The following ANO3 variants were observed in gnomAD, a reference collection of about 807,000 sequenced individuals.
The protein encoded by ANO3 is anoctamin-3.
In ANO3, 99 loss-of-function variants were observed where a neutral mutation model predicts 144.8. The observed-to-expected ratio is 0.68, with a 90% CI of 0.58 to 0.81. ANO3 has a LOEUF of 0.81. Ranked by LOEUF, ANO3 falls within the 30% of genes least tolerant of loss-of-function variation. The probability of loss-of-function intolerance (pLI) is 0.00; values close to 1 mark genes in which losing one functional copy is unlikely to be tolerated. For missense variants in ANO3, 905 were observed against 1,202.2 expected (o/e 0.75, Z 3.66); for synonymous variants, 414 against 392.6 (o/e 1.05, Z -0.64).
chr11:26,547,129 A>G (rs1849809389), intron 11 of ANO3, among the ~76,000 whole-genome samples: 1 of 151,894 alleles, frequency 6.6e-6, no homozygotes, highest in African/African-American at 2.4e-5. Flanking sequence ...AAGGGATGCT[A>G]GTAGGAAGAT....
chr11:26,569,400 TGTCCTGACATTGCAGTAGGGACAAG>T (rs1287191596), intron 14 of ANO3, among the ~76,000 whole-genome samples: 3 of 152,094 alleles, frequency 2.0e-5, no homozygotes, highest in Non-Finnish European at 4.4e-5. Context: ...GAAGACGGAT[TGTCCTGACATTGCAGTAGGGACAAG>T]TTTGCCTCTG....
chr11:26,304,895 C>T (rs1250643403), upstream of ANO3, among the ~76,000 whole-genome samples: 2 of 151,976 alleles, frequency 1.3e-5, no homozygotes, highest in African/African-American at 4.8e-5. Flanking sequence ...AATTGCTCTC[C>T]AACCAAGACT....
chr11:26,203,409 T>A (rs560046714), intron 1 of ANO3, among the ~76,000 whole-genome samples: 19 of 152,232 alleles, frequency 1.2e-4, no homozygotes, highest in Admixed American at 1.0e-3. Context: ...ATAAAATTCA[T>A]TGAATGCAAG....
chr11:26,617,139 C>T (rs1192956963), intron 17 of ANO3, among the ~76,000 whole-genome samples: 2 of 152,126 alleles, frequency 1.3e-5, no homozygotes, highest in Non-Finnish European at 2.9e-5. Context: ...CACTGTTGTA[C>T]CAGACTCCAG....
intron 1 of ANO3, among the ~76,000 whole-genome samples, chr11:26,262,719 A>AAC (rs144643690): frequency 0.045 from 6,741 of 149,136 alleles, 181 homozygotes; most frequent in African/African-American, 0.081. Context: ...CCTTATAGTA[A>AAC]ACACACACAC....
chr11:26,189,300 G>T lies in ANO3; in HGVS notation c.124G>T (p.Glu42Ter), dbSNP rs972438190. The T allele has an allele frequency of 1.0e-6, 1 of 985,192 alleles. No individual in the cohort carries two copies. The highest frequency in any genetic ancestry group is 6.2e-5 in the Admixed American group (1 of 16,234). The allele number at this position is 985,192 out of a possible 1,614,324, so 61.0% of individuals were successfully genotyped here. ...ACTCTCTGGTGATTCTAGTCAACTG[G>T]AACTTCAGCACTCCAGTTCTGTCCC... The change falls in exon 1 of 28, where the codon GAA (glutamate) becomes TAA (stop). Residue 42 changes from glutamate (E) to a stop codon, truncating the protein, a stop_gained. Transcript: ENST00000672621. LOFTEE classifies it high-confidence loss of function.
intron 17 of ANO3, among the ~76,000 whole-genome samples, chr11:26,614,958 G>T (rs189080990): frequency 1.3e-5 from 2 of 151,946 alleles, no homozygotes; most frequent in African/African-American, 4.8e-5. Flanking sequence ...CCAGGTAACC[G>T]TAGTCAACCT....
chr11:26,494,458 T>TGTGCAC (rs1860844906), intron 4 of ANO3, among the ~76,000 whole-genome samples: 1 of 152,118 alleles, frequency 6.6e-6, no homozygotes, highest in Admixed American at 6.6e-5. Flanking sequence ...TAACGTGAGA[T>TGTGCAC]AGGAAGTAGA....
At chr11:26,280,469 C>T (rs56131609) in intron 1 of ANO3, among the ~76,000 whole-genome samples, 13,377 of 152,086 alleles carry the variant, frequency 0.088, 783 homozygotes, top group Non-Finnish European at 0.13. Context: ...ACTTGGAGTC[C>T]GATATTCAAG....
intron 12 of ANO3, among the ~76,000 whole-genome samples, chr11:26,552,514 T>G (rs1290028179): frequency 6.6e-6 from 1 of 152,090 alleles, no homozygotes; most frequent in Non-Finnish European, 1.5e-5. Flanking sequence ...CAAAGCGTCC[T>G]GCAAATAAGT....
intron 17 of ANO3, among the ~76,000 whole-genome samples, chr11:26,605,282 G>A (rs1231713645): frequency 6.6e-6 from 1 of 152,068 alleles, no homozygotes; most frequent in Non-Finnish European, 1.5e-5. Context: ...TGATGGTGGT[G>A]GATAAGTTTT....
chr11:26,207,208 G>A (rs1038504492), intron 1 of ANO3, among the ~76,000 whole-genome samples: 4 of 152,024 alleles, frequency 2.6e-5, no homozygotes, highest in South Asian at 2.1e-4. Context: ...AAGTGTTCTT[G>A]TAACAAATAG....
intron 1 of ANO3, among the ~76,000 whole-genome samples, chr11:26,194,456 G>A (rs7111493): frequency 0.075 from 525 of 6,982 alleles, 11 homozygotes; most frequent in Middle Eastern, 0.19. Context: ...GTGTGTGTGT[G>A]TGTGTGTGTG....
chr11:26,248,904 G>A (rs1455878433), intron 1 of ANO3, among the ~76,000 whole-genome samples: 1 of 152,086 alleles, frequency 6.6e-6, no homozygotes. Flanking sequence ...ATAGGAATTC[G>A]AACCCTATTG....
chr11:26,228,352 G>A (rs1384272594), intron 1 of ANO3, among the ~76,000 whole-genome samples: 1 of 152,164 alleles, frequency 6.6e-6, no homozygotes, highest in Non-Finnish European at 1.5e-5. Flanking sequence ...CTGGCACATG[G>A]TGCCAGGGTC....
intron 20 of ANO3, among the ~76,000 whole-genome samples, chr11:26,637,774 T>C (rs1853009093): frequency 1.6e-5 from 1 of 61,832 alleles, no homozygotes; most frequent in Non-Finnish European, 5.3e-5. Flanking sequence ...GCAGGCTCTT[T>C]GTGTCTTATT....
chr11:26,415,444 A>C (rs1330096637), intron 1 of ANO3, among the ~76,000 whole-genome samples: 2 of 152,092 alleles, frequency 1.3e-5, no homozygotes, highest in African/African-American at 4.8e-5. Context: ...AGTAAAAAGC[A>C]AAAAAGTAAT....
Position 26,463,037 on chromosome 11 carries a change from A to G in ANO3, c.321A>G (p.Gly107=). 1 of 1,538,584 alleles carries G rather than the reference A, an allele frequency of 6.5e-7. No homozygotes were observed. Among genetic ancestry groups the G allele is most frequent in the Non-Finnish European group, 8.8e-7 (1 of 1,138,304 alleles). Residue 107 remains glycine (G), a synonymous_variant, in exon 4 of 27, where the codon GGA becomes GGG. Coordinates refer to ENST00000256737, the MANE Select transcript of ANO3 (RefSeq NM_031418.4). ...ADLSDFCLAL[G]KDKDYTDESE... is the part of the protein sequence containing the mutation. Reference sequence around the variant, plus strand: ...TCTCTTTCTCTTTTATAGCCCTAGGAAAAGATAAGGATTACACGGATGAAT... The same window carrying G: ...TCTCTTTCTCTTTTATAGCCCTAGGGAAAGATAAGGATTACACGGATGAAT...
intron 14 of ANO3, chr11:26,561,185 A>C: frequency 6.2e-7 from 1 of 1,612,316 alleles, no homozygotes; most frequent in Non-Finnish European, 8.5e-7. Flanking sequence ...AATTCCCAAA[A>C]CTCACATCAT....
Sources: allele counts gnomAD v4.1 joint callset (sites outside exome capture counted in the v4.1 genomes callset), GRCh38; gene constraint gnomAD v4.1.1; transcripts MANE v1.5; gene names NCBI Gene and HGNC (gene_info 2026-07-23, HGNC 2026-07-21).